The following PDE4B variants were observed in gnomAD, a reference collection of about 807,000 sequenced individuals.
PDE4B encodes phosphodiesterase 4B.
PDE4B carries 20 observed loss-of-function variants against 82.2 expected under a neutral mutation model. The ratio of observed to expected loss-of-function variants is 0.24; its 90% CI spans 0.17 to 0.35. The LOEUF is 0.35. Among genes scored for constraint, PDE4B ranks in the 10% least tolerant of loss-of-function variants. PDE4B has a pLI of 1.00. For synonymous variants in PDE4B, 320 were observed against 318.9 expected (o/e 1.00, Z -0.04); for missense variants, 655 against 907.2 (o/e 0.72, Z 3.57).
intron 7 of PDE4B, among the ~76,000 whole-genome samples, chr1:66,326,991 G>A (rs1396566682): frequency 6.6e-6 from 1 of 152,186 alleles, no homozygotes; most frequent in African/African-American, 2.4e-5. Context: ...AGATTGCAGG[G>A]CCAGCTTTTA....
At chr1:66,308,642 T>A (rs1557692128) in intron 7 of PDE4B, among the ~76,000 whole-genome samples, 1 of 152,188 alleles carries the variant, frequency 6.6e-6, no homozygotes, top group Non-Finnish European at 1.5e-5. Context: ...TTGCTCCACA[T>A]TTGTACTTAT....
At chr1:66,087,841 G>A (rs1170035510) in intron 3 of PDE4B, among the ~76,000 whole-genome samples, 1 of 139,082 alleles carries the variant, frequency 7.2e-6, no homozygotes, top group Admixed American at 7.6e-5. Context: ...ACACAGGAAG[G>A]GGAACATCAC....
chr1:65,876,608 G>T (rs946303507), intron 1 of PDE4B, among the ~76,000 whole-genome samples: 2 of 151,846 alleles, frequency 1.3e-5, no homozygotes, highest in African/African-American at 4.8e-5. Flanking sequence ...ATTATTGGTG[G>T]CCAGAGTTCC....
intron 3 of PDE4B, among the ~76,000 whole-genome samples, chr1:66,087,904 A>G (rs1383679873): frequency 1.3e-5 from 2 of 150,088 alleles, no homozygotes; most frequent in Admixed American, 1.3e-4. Flanking sequence ...GCATTGGGAG[A>G]TATACCTAAT....
chr1:65,903,423 A>G (rs1213251669), intron 1 of PDE4B, among the ~76,000 whole-genome samples: 2 of 105,368 alleles, frequency 1.9e-5, no homozygotes, highest in Non-Finnish European at 4.7e-5. Context: ...ACACATGCAC[A>G]CACACACACA....
chr1:65,854,590 C>T (rs1377259984), intron 1 of PDE4B, among the ~76,000 whole-genome samples: 1 of 151,828 alleles, frequency 6.6e-6, no homozygotes, highest in Non-Finnish European at 1.5e-5. Context: ...ATTGGTGTCT[C>T]TGTAAGTAAT....
At chr1:65,889,200 G>A (rs1646825739) in intron 1 of PDE4B, among the ~76,000 whole-genome samples, 1 of 152,024 alleles carries the variant, frequency 6.6e-6, no homozygotes, top group Admixed American at 6.6e-5. Context: ...TAATGAGATG[G>A]TTTTGATCCT....
At chr1:66,242,670 C>A (rs1429337550) in intron 3 of PDE4B, among the ~76,000 whole-genome samples, 1 of 152,192 alleles carries the variant, frequency 6.6e-6, no homozygotes, top group Admixed American at 6.5e-5. Context: ...AACTTGAATT[C>A]TAGGAAGTAG....
In PDE4B at chr1:66,227,954, A is replaced by T. The variant is rs373594666; in HGVS notation, c.282-19506A>T. Among the ~76,000 whole-genome samples the T allele has an allele frequency of 4.3e-4, 65 of 152,242 alleles. 1 individual carries two copies. In the South Asian group the frequency reaches 0.013, roughly 31 times the overall value. On this transcript the variant is annotated intron_variant, in intron 3 of 16. Coordinates refer to ENST00000341517, the MANE Select transcript of PDE4B (RefSeq NM_002600.4). ...ATCATCATCAGTCCTTGTCTTTCTC[A>T]CACATGCTTTATGAAAGCTTTGTAT...
At chr1:66,054,058 C>T (rs1437773757) in intron 3 of PDE4B, among the ~76,000 whole-genome samples, 2 of 152,078 alleles carry the variant, frequency 1.3e-5, no homozygotes, top group African/African-American at 4.8e-5. Context: ...TTTTAAGCAC[C>T]TAGCTCTTCT....
chr1:66,196,224 C>T lies in PDE4B; in HGVS notation c.282-51236C>T, dbSNP rs190381807. Among the ~76,000 whole-genome samples, 209 of 152,300 alleles carry T rather than the reference C, an allele frequency of 1.4e-3. 6 individuals carry two copies. Among genetic ancestry groups the T allele is most frequent in the Non-Finnish European group, 2.1e-4 (14 of 68,014 alleles). ...GAAGGAGTTCTGGAAGGGCAACTGG[C>T]GGCCCTGGGTTTAGGCCCACCTGTG... On this transcript the variant is annotated intron_variant, in intron 3 of 16. Transcript: ENST00000341517.
At chr1:65,952,037 T>C (rs544366052) in intron 3 of PDE4B, among the ~76,000 whole-genome samples, 1 of 152,102 alleles carries the variant, frequency 6.6e-6, no homozygotes, top group South Asian at 2.1e-4. Flanking sequence ...TTTCAAAGTG[T>C]AGTCCGCACG....
chr1:66,136,342 T>C (rs1403046910), intron 3 of PDE4B, among the ~76,000 whole-genome samples: 1 of 152,200 alleles, frequency 6.6e-6, no homozygotes, highest in Non-Finnish European at 1.5e-5. Flanking sequence ...TGTGAATTGT[T>C]CAATTAGAAG....
intron 3 of PDE4B, among the ~76,000 whole-genome samples, chr1:66,210,605 AAAAAAAAAAAAAAAG>A (rs1649955351): frequency 7.1e-6 from 1 of 140,304 alleles, no homozygotes; most frequent in Non-Finnish European, 1.5e-5. Flanking sequence ...CAAAAAAAAA[AAAAAAAAAAAAAAAG>A]AAAAAGGAAA....
At chr1:66,064,147 A>C (rs1016620919) in intron 3 of PDE4B, among the ~76,000 whole-genome samples, 1 of 151,962 alleles carries the variant, frequency 6.6e-6, no homozygotes, top group African/African-American at 2.4e-5. Flanking sequence ...GGTTTCGCTC[A>C]AGTTTTTCTT....
rs558180845 is a variant in PDE4B, at chr1:66,178,893, G to A, written c.282-68567G>A. On this transcript the variant is annotated intron_variant, in intron 3 of 16. Coordinates refer to ENST00000341517, the MANE Select transcript of PDE4B (RefSeq NM_002600.4). The stretch of plus-strand genomic sequence containing the variant: ...TGAGACGGAGTTTCAATCTTGCTGC[G>A]CAGGCTGGAGTGCAATGGCGCGATC... Among the ~76,000 whole-genome samples the A allele has an allele frequency of 9.0e-4, 137 of 151,758 alleles. 1 individual carries two copies. Among genetic ancestry groups the A allele is most frequent in the African/African-American group, 3.2e-3 (131 of 41,376 alleles).
intron 3 of PDE4B, among the ~76,000 whole-genome samples, chr1:66,190,759 G>A (rs144466526): frequency 0.011 from 1,645 of 152,240 alleles, 10 homozygotes; most frequent in Non-Finnish European, 0.014. Context: ...GACTAGGAAA[G>A]GGAATTCCCT....
chr1:66,332,733 G>A, intron 8 of PDE4B, 113 bp downstream of exon 8: 2 of 808,662 alleles, frequency 2.5e-6, no homozygotes, highest in Non-Finnish European at 3.9e-6. Flanking sequence ...CTAAGAATAT[G>A]TTTGTTGCTT....
intron 8 of PDE4B, among the ~76,000 whole-genome samples, chr1:66,347,131 T>C (rs1397678540): frequency 6.6e-6 from 1 of 152,130 alleles, no homozygotes; most frequent in Non-Finnish European, 1.5e-5. Flanking sequence ...CAACCAGCAC[T>C]CCCTCTACTT....
Sources: gnomAD v4.1 joint callset for allele counts (sites outside exome capture counted in the v4.1 genomes callset) on GRCh38, gnomAD v4.1.1 for gene constraint, MANE v1.5 for transcripts, NCBI Gene and HGNC (gene_info 2026-07-23, HGNC 2026-07-21) for gene names.